The following BCKDHB variants were observed in gnomAD, a reference collection of about 807,000 sequenced individuals.
BCKDHB encodes branched chain keto acid dehydrogenase E1 subunit beta.
In BCKDHB, 41 loss-of-function variants were observed where a neutral mutation model predicts 48.5. That is an observed-to-expected ratio of 0.85 (90% CI 0.66 to 1.10). The LOEUF is 1.10. BCKDHB is among the 50% of genes least tolerant of loss of function. The probability of loss-of-function intolerance (pLI) is 0.00; values close to 1 mark genes in which losing one functional copy is unlikely to be tolerated. For synonymous variants in BCKDHB, 201 were observed against 174.8 expected (o/e 1.15, Z -1.18); for missense variants, 496 against 494.2 (o/e 1.00, Z -0.03).
At chr6:80,163,484 C>T (rs896778659) in intron 3 of BCKDHB, among the ~76,000 whole-genome samples, 1 of 152,096 alleles carries the variant, frequency 6.6e-6, no homozygotes, top group Non-Finnish European at 1.5e-5. Flanking sequence ...TCCTGGTTTT[C>T]CTCCAAACTC....
chr6:80,259,809 C>G (rs1225122136), intron 8 of BCKDHB, among the ~76,000 whole-genome samples: 1 of 152,046 alleles, frequency 6.6e-6, no homozygotes, highest in Non-Finnish European at 1.5e-5. Context: ...AAACCCAATT[C>G]TGAATTTTAT....
At chr6:80,298,328 G>A (rs1019385192) in intron 9 of BCKDHB, among the ~76,000 whole-genome samples, 1 of 152,108 alleles carries the variant, frequency 6.6e-6, no homozygotes, top group South Asian at 2.1e-4. Flanking sequence ...GGCCAGGCTG[G>A]TCACACCTGG....
intron 9 of BCKDHB, among the ~76,000 whole-genome samples, chr6:80,286,830 G>A (rs1046256657): frequency 5.3e-5 from 8 of 152,152 alleles, no homozygotes; most frequent in African/African-American, 1.9e-4. Flanking sequence ...CACAGAAGTA[G>A]AGTATGATTA....
intron 9 of BCKDHB, among the ~76,000 whole-genome samples, chr6:80,286,124 A>G (rs913468454): frequency 6.6e-6 from 1 of 152,210 alleles, no homozygotes; most frequent in East Asian, 1.9e-4. Context: ...CAAGGATATC[A>G]TAGCTAACTG....
intron 8 of BCKDHB, among the ~76,000 whole-genome samples, chr6:80,249,775 C>T (rs1776759602): frequency 6.6e-6 from 1 of 152,024 alleles, no homozygotes; most frequent in African/African-American, 2.4e-5. Flanking sequence ...TTTATAAATT[C>T]CTTAAAGCAA....
intron 9 of BCKDHB, among the ~76,000 whole-genome samples, chr6:80,322,859 T>A (rs1768806292): frequency 6.6e-6 from 1 of 151,856 alleles, no homozygotes. Flanking sequence ...TGTTCTCTGT[T>A]ACTTCTCCTA....
the BCKDHB span, among the ~76,000 whole-genome samples, chr6:80,447,523 C>T: frequency 6.6e-6 from 1 of 150,976 alleles, no homozygotes; most frequent in African/African-American, 2.4e-5. Context: ...TAGATATATA[C>T]ACATTATAGT....
intron 9 of BCKDHB, among the ~76,000 whole-genome samples, chr6:80,339,161 C>T (rs147289395): frequency 0.011 from 1,712 of 152,022 alleles, 43 homozygotes; most frequent in Admixed American, 0.064. Flanking sequence ...TTGAGAGATC[C>T]CAAGGAAACC....
chr6:80,196,997 A>G (rs928553464), intron 6 of BCKDHB, among the ~76,000 whole-genome samples: 1 of 152,202 alleles, frequency 6.6e-6, no homozygotes, highest in African/African-American at 2.4e-5. Flanking sequence ...AGGAATGCTT[A>G]TTAGTCCTAA....
At chr6:80,178,669 A>G (rs1582295581) in intron 6 of BCKDHB, among the ~76,000 whole-genome samples, 1 of 152,186 alleles carries the variant, frequency 6.6e-6, no homozygotes, top group African/African-American at 2.4e-5. Context: ...CACAACCAGC[A>G]TATCAGGTAA....
chr6:80,225,134 AT>A (rs1460327330), intron 8 of BCKDHB, among the ~76,000 whole-genome samples: 1 of 152,126 alleles, frequency 6.6e-6, no homozygotes, highest in East Asian at 1.9e-4. Context: ...TTCAGGTGTT[AT>A]TTAAATCTCC....
the BCKDHB span, among the ~76,000 whole-genome samples, chr6:80,439,329 A>G: frequency 6.6e-6 from 1 of 152,332 alleles, no homozygotes; most frequent in South Asian, 2.1e-4. Context: ...ACTAAATAAA[A>G]AAGATGGCAT....
chr6:80,213,668 G>GTT (rs76968746), intron 8 of BCKDHB, among the ~76,000 whole-genome samples: 5 of 128,394 alleles, frequency 3.9e-5, no homozygotes, highest in African/African-American at 1.2e-4. Flanking sequence ...GTTTTTTTTT[G>GTT]TTTTTTTTTT....
At chr6:80,373,208 C>T in the BCKDHB span, among the ~76,000 whole-genome samples, 1 of 152,074 alleles carries the variant, frequency 6.6e-6, no homozygotes, top group Non-Finnish European at 1.5e-5. Flanking sequence ...TTATCCATCT[C>T]CTCTAGGTGT....
intron 3 of BCKDHB, among the ~76,000 whole-genome samples, chr6:80,142,231 A>C (rs1412608040): frequency 6.6e-6 from 1 of 152,142 alleles, no homozygotes; most frequent in Non-Finnish European, 1.5e-5. Flanking sequence ...AATAAGTGTT[A>C]GATTATAAAA....
chr6:80,385,310 A>G, the BCKDHB span, among the ~76,000 whole-genome samples: 1 of 152,228 alleles, frequency 6.6e-6, no homozygotes, highest in Non-Finnish European at 1.5e-5. Flanking sequence ...AGCTCTTATC[A>G]TGTGAGTGGC....
chr6:80,428,334 G>C, the BCKDHB span, among the ~76,000 whole-genome samples: 2 of 152,084 alleles, frequency 1.3e-5, no homozygotes, highest in Admixed American at 1.3e-4. Flanking sequence ...GTAAACATAC[G>C]TGTGCATGTG....
intron 8 of BCKDHB, among the ~76,000 whole-genome samples, chr6:80,259,842 C>A (rs964121918): frequency 6.6e-6 from 1 of 152,064 alleles, no homozygotes; most frequent in Non-Finnish European, 1.5e-5. Flanking sequence ...TTAAGATGCA[C>A]CAAGTGAAGG....
At chr6:80,435,309 A>C in the BCKDHB span, among the ~76,000 whole-genome samples, 1 of 152,176 alleles carries the variant, frequency 6.6e-6, no homozygotes, top group African/African-American at 2.4e-5. Context: ...TTGTTGTTTA[A>C]ATTTATATTT....
Sources: gnomAD v4.1 joint callset for allele counts (sites outside exome capture counted in the v4.1 genomes callset) on GRCh38, gnomAD v4.1.1 for gene constraint, MANE v1.5 for transcripts, NCBI Gene and HGNC (gene_info 2026-07-23, HGNC 2026-07-21) for gene names.